FBXO3: variants seen among roughly 807,000 people sequenced by gnomAD.
FBXO3 encodes F-box protein 3, also known as F-box only protein 3.
In FBXO3, 17 loss-of-function variants were observed where a neutral mutation model predicts 64.8. The observed-to-expected ratio is 0.26, with a 90% CI of 0.18 to 0.39. FBXO3 has a LOEUF of 0.39. Ranked by LOEUF, FBXO3 falls within the 10% of genes least tolerant of loss-of-function variation. FBXO3 has a pLI of 1.00. For missense variants in FBXO3, 420 were observed against 589.9 expected, an observed-to-expected ratio of 0.71 and a Z score of 2.98; for synonymous variants, 182 against 201.6, an observed-to-expected ratio of 0.90 and a Z score of 0.82.
rs753292581 is a variant in FBXO3 at position 33,743,229 on chromosome 11, T to C, written c.1240-1145A>G. 2.6e-5 allele frequency: 4 copies of C among 152,324 alleles called. No individual in the cohort carries two copies. The highest frequency in any genetic ancestry group is 2.6e-4 in the Admixed American group (4 of 15,308). The allele number at this position is 152,324 out of a possible 1,614,324, so 9.4% of individuals were successfully genotyped here. A position where few individuals can be genotyped will look rare whatever the true frequency, so the allele number is the denominator to read the frequency against. On this transcript the variant is annotated intron_variant, in intron 10 of 10. Transcript: ENST00000265651. This position sits in a 1 kb window ranked among gnomAD's most constrained non-coding sequence, Gnocchi z 4.6. Reference sequence around the variant, plus strand: ...TTTGCCGATTCGTTATAAGTATATATCTAAGATCAACCCACACTGGAAGGA... The same window carrying C: ...TTTGCCGATTCGTTATAAGTATATACCTAAGATCAACCCACACTGGAAGGA...
At chr11:33,759,828 G>T (rs946782365) in intron 3 of FBXO3, among the ~76,000 whole-genome samples, 1 of 152,168 alleles carries the variant, frequency 6.6e-6, no homozygotes, top group African/African-American at 2.4e-5. Flanking sequence ...TGAAGATGGA[G>T]CATTTCAGCA....
chr11:33,741,581 A>G lies in FBXO3; in HGVS notation c.*327T>C. ...GTGCAGGTATTTTAAATCCTTATTC[A>G]AAACAGTTCCCTCTCCATTTCTAGA... is the stretch of plus-strand genomic sequence containing the variant. On this transcript the variant is annotated 3_prime_UTR_variant, in exon 11 of 11. Coordinates refer to ENST00000265651, the MANE Select transcript of FBXO3 (RefSeq NM_012175.4). 5.7e-6 allele frequency: 1 copy of G among 175,154 alleles called. No homozygotes were observed. 10.8% of individuals were successfully genotyped at this position (175,154 alleles called of 1,614,324 possible). A position where few individuals can be genotyped will look rare whatever the true frequency, so the allele number is the denominator to read the frequency against.
At chr11:33,747,469 T>G in intron 9 of FBXO3, 149 bp from the exon 10 acceptor site, 1 of 650,654 alleles carries the variant, frequency 1.5e-6, no homozygotes. Flanking sequence ...TGTAACAAAA[T>G]GTTAACAGTG....
intron 1 of FBXO3, 85 bp downstream of exon 1, chr11:33,774,309 G>C: frequency 1.7e-6 from 2 of 1,192,204 alleles, no homozygotes; most frequent in Admixed American, 2.1e-5. Flanking sequence ...CTCGGGTCCT[G>C]TCAGCGGCCC....
chr11:33,753,662 C>T (rs1188905915), intron 6 of FBXO3: 1 of 152,160 alleles, frequency 6.6e-6, no homozygotes, highest in African/African-American at 2.4e-5. Flanking sequence ...ACACCATGAA[C>T]GTGGAATGTG....
chr11:33,766,314 T>G (rs942304813), intron 3 of FBXO3, among the ~76,000 whole-genome samples: 4 of 152,242 alleles, frequency 2.6e-5, no homozygotes, highest in African/African-American at 9.6e-5. Flanking sequence ...TTCAACTTAC[T>G]AGCATAAATC....
In FBXO3 at chr11:33,741,983, T is replaced by G. The variant is rs1241100207; in HGVS notation, c.1341A>C (p.Glu447Asp). Residue 447 changes from glutamate to aspartate, a missense_variant, in exon 11 of 11, where the codon GAA (glutamate) becomes GAC (aspartate). By Grantham distance (45) the Glu-to-Asp change is conservative. Around this residue, in one of 3 missense-constraint regions of FBXO3, gnomAD observed 57 missense variants for 55.4 expected, o/e 1.03. Coordinates refer to ENST00000265651, the MANE Select transcript of FBXO3 (RefSeq NM_012175.4). Reference sequence around the variant, plus strand: ...TCCTCCGTCTCTCCTCTTCATCATCTTCATCTGATTCATCCATATCTGCTG... The same window carrying G: ...TCCTCCGTCTCTCCTCTTCATCATCGTCATCTGATTCATCCATATCTGCTG... ...DDSADMDESD[E>D]DDEEERRRRV... The G allele has an allele frequency of 5.0e-6, 8 of 1,613,424 alleles. No individual in the cohort carries two copies. Among genetic ancestry groups the G allele is most frequent in the Non-Finnish European group, 5.9e-6 (7 of 1,179,408 alleles).
chr11:33,747,112 G>C lies in FBXO3; in HGVS notation c.1239+18C>G, dbSNP rs1432437432. The C allele has an allele frequency of 1.2e-6, 2 of 1,608,116 alleles. No individual in the cohort carries two copies. The highest frequency in any genetic ancestry group is 1.7e-5 in the Admixed American group (1 of 57,886). On this transcript the variant is annotated intron_variant, in intron 10 of 10. Coordinates refer to ENST00000265651, the MANE Select transcript of FBXO3 (RefSeq NM_012175.4). ...TACAAAGTCATGTAAATCAGCACTA[G>C]AGGAAAATTTAACTTACCAATCGGG...
chr11:33,767,187 A>G (rs947764878), intron 3 of FBXO3, among the ~76,000 whole-genome samples: 10 of 152,222 alleles, frequency 6.6e-5, no homozygotes, highest in African/African-American at 2.4e-4. Context: ...ATAATAGGAT[A>G]GGTCCTGTCT....
At chr11:33,760,577 G>A (rs1427559270) in intron 3 of FBXO3, among the ~76,000 whole-genome samples, 1 of 152,156 alleles carries the variant, frequency 6.6e-6, no homozygotes, top group Non-Finnish European at 1.5e-5. Flanking sequence ...CCCAGGAGTT[G>A]GAGGCTGCAA....
intron 9 of FBXO3, among the ~76,000 whole-genome samples, chr11:33,747,887 A>C (rs1163382120): frequency 6.6e-6 from 1 of 152,032 alleles, no homozygotes; most frequent in Non-Finnish European, 1.5e-5. Context: ...AAAAAAAAAA[A>C]AAAAAACAGA....
At chr11:33,771,014 G>C in intron 1 of FBXO3, 184 bp from the exon 2 acceptor site, 1 of 470,962 alleles carries the variant, frequency 2.1e-6, no homozygotes, top group Non-Finnish European at 3.8e-6. Flanking sequence ...TAATTGCCTT[G>C]TTAGTAGTGA....
intron 10 of FBXO3, chr11:33,744,812 ATT>A: frequency 6.6e-6 from 1 of 152,324 alleles, no homozygotes; most frequent in South Asian, 2.1e-4. Flanking sequence ...ATAAGTAAAT[ATT>A]GTTTTACTTA....
At chr11:33,747,684 G>A (rs1854850990) in intron 9 of FBXO3, among the ~76,000 whole-genome samples, 1 of 151,894 alleles carries the variant, frequency 6.6e-6, no homozygotes, top group Non-Finnish European at 1.5e-5. Flanking sequence ...GCTCATTTTT[G>A]TATTTTTAGT....
At chr11:33,763,030 A>G (rs1454049909) in intron 3 of FBXO3, among the ~76,000 whole-genome samples, 1 of 152,222 alleles carries the variant, frequency 6.6e-6, no homozygotes, top group Non-Finnish European at 1.5e-5. Context: ...ACAATTTCCT[A>G]GAAAACAACT....
Position 33,769,801 on chromosome 11 carries a change from T to C in FBXO3, c.195-787A>G, listed in dbSNP as rs534306326. Among the ~76,000 whole-genome samples the C allele has an allele frequency of 4.1e-5, 6 of 146,470 alleles. No homozygotes were observed. In the South Asian group the frequency reaches 1.3e-3, roughly 32 times the overall value. On this transcript the variant is annotated intron_variant, in intron 2 of 10. Transcript: ENST00000265651. ...GAGTGGATGATGCTGCTATGAAGACTGGGAATGCTGAAGGACAGGTTTAGG... is the reference window on the plus strand; with the variant it reads ...GAGTGGATGATGCTGCTATGAAGACCGGGAATGCTGAAGGACAGGTTTAGG...
In FBXO3 at chr11:33,755,754, A is replaced by G. The variant is rs779451621; in HGVS notation, c.678+17T>C. 4 of 1,594,378 alleles carry G rather than the reference A, an allele frequency of 2.5e-6. No homozygotes were observed. The highest frequency in any genetic ancestry group is 3.4e-6 in the Non-Finnish European group (4 of 1,162,608). On this transcript the variant is annotated intron_variant, in intron 5 of 10. Transcript: ENST00000265651. Reference sequence around the variant, plus strand: ...GAACACATCTTAATGCCATATTTAAACACACGTTCTACTTACTGGACATTG... The same window carrying G: ...GAACACATCTTAATGCCATATTTAAGCACACGTTCTACTTACTGGACATTG...
chr11:33,748,538 G>A (rs1389573124), intron 9 of FBXO3, among the ~76,000 whole-genome samples: 3 of 151,586 alleles, frequency 2.0e-5, no homozygotes, highest in Admixed American at 6.6e-5. Context: ...TGCCCTATGT[G>A]TTCTAACCCA....
chr11:33,763,918 A>T (rs1040233097), intron 3 of FBXO3, among the ~76,000 whole-genome samples: 1 of 152,238 alleles, frequency 6.6e-6, no homozygotes, highest in African/African-American at 2.4e-5. Context: ...AAAGAATGAC[A>T]ACATTAAAGT....
Sources: gnomAD v4.1 joint callset for allele counts (sites outside exome capture counted in the v4.1 genomes callset) on GRCh38, gnomAD v4.1.1 for gene constraint, gnomAD v4.1.1 regional missense constraint, Gnocchi (gnomAD v3.1) non-coding constraint, MANE v1.5 for transcripts, NCBI Gene and HGNC (gene_info 2026-07-23, HGNC 2026-07-21) for gene names.